The following SLCO3A1 variants were observed in gnomAD, a reference collection of about 807,000 sequenced individuals.
SLCO3A1 encodes PGE1 transporter.
A neutral mutation model predicts 63.1 loss-of-function variants in SLCO3A1; 27 were observed. The ratio of observed to expected loss-of-function variants is 0.43; its 90% CI spans 0.32 to 0.59. The LOEUF (loss-of-function observed/expected upper bound fraction) is 0.59, where lower values mean the gene tolerates loss of function less well. SLCO3A1 is among the 20% of genes least tolerant of loss of function. The probability of loss-of-function intolerance (pLI) is 0.09; values close to 1 mark genes in which losing one functional copy is unlikely to be tolerated. For missense variants in SLCO3A1, 773 were observed against 945.8 expected (o/e 0.82, Z 2.40); for synonymous variants, 473 against 409.9 (o/e 1.15, Z -1.86).
rs542438153 is a variant in SLCO3A1 at position 92,152,997 on chromosome 15, G to A, written c.1753+1983G>A. On this transcript the variant is annotated intron_variant, in intron 9 of 9. Coordinates refer to ENST00000318445, the MANE Select transcript of SLCO3A1 (RefSeq NM_013272.4). ...ACAATTTGCAAGGTATTTCTGAAAAGTTAATGAAAATTGTAGGATAGTTGA... is the reference window on the plus strand; with the variant it reads ...ACAATTTGCAAGGTATTTCTGAAAAATTAATGAAAATTGTAGGATAGTTGA... 8.5e-5 allele frequency among the ~76,000 whole-genome samples: 13 copies of A among 152,298 alleles called. No homozygotes were observed. In the Middle Eastern group the frequency reaches 0.014, roughly 159 times the overall value.
chr15:92,150,221 T>G (rs963092344), intron 8 of SLCO3A1, among the ~76,000 whole-genome samples: 3 of 152,152 alleles, frequency 2.0e-5, no homozygotes, highest in African/African-American at 7.2e-5. Context: ...CATCTGGTCT[T>G]TTCATGTTTT....
chr15:91,907,675 A>G (rs148342590), intron 1 of SLCO3A1, among the ~76,000 whole-genome samples: 162 of 151,928 alleles, frequency 1.1e-3, no homozygotes, highest in African/African-American at 3.7e-3. Context: ...ATGTGCCACC[A>G]TGCCCAGCTA....
intron 9 of SLCO3A1, among the ~76,000 whole-genome samples, chr15:92,161,087 G>C (rs1317857337): frequency 2.0e-5 from 3 of 152,192 alleles, no homozygotes; most frequent in African/African-American, 4.8e-5. Flanking sequence ...TCCAGACAGA[G>C]GTATAGAGGC....
intron 2 of SLCO3A1, among the ~76,000 whole-genome samples, chr15:92,034,875 C>T (rs1021091163): frequency 6.6e-6 from 1 of 151,950 alleles, no homozygotes; most frequent in East Asian, 1.9e-4. Flanking sequence ...GTACTGATAG[C>T]TCTAACTGTC....
intron 10 of SLCO3A1, chr15:92,170,988 G>A (rs1245364662): frequency 6.6e-6 from 1 of 152,150 alleles, no homozygotes; most frequent in Non-Finnish European, 1.5e-5. Flanking sequence ...AAGGATGCTC[G>A]AACTTGCCCA....
In SLCO3A1 at chr15:92,165,693, A is replaced by C. The variant is rs1463796579; in HGVS notation, c.*2558A>C. 1 of 985,150 alleles carries C rather than the reference A, an allele frequency of 1.0e-6. No individual in the cohort carries two copies. The highest frequency in any genetic ancestry group is 1.7e-5 in the African/African-American group (1 of 57,230). The allele number at this position is 985,150 out of a possible 1,614,324, so 61.0% of individuals were successfully genotyped here. On this transcript the variant is annotated 3_prime_UTR_variant, in exon 10 of 10. Coordinates refer to ENST00000318445, the MANE Select transcript of SLCO3A1 (RefSeq NM_013272.4). ...CTGAATTCTGTTGTGTCGTCTTTTA[A>C]AATTTTAATTATTCTCATATAGTAC...
chr15:91,906,840 G>T (rs1399411972), intron 1 of SLCO3A1, among the ~76,000 whole-genome samples: 1 of 152,178 alleles, frequency 6.6e-6, no homozygotes, highest in Non-Finnish European at 1.5e-5. Context: ...AGGAGGGATG[G>T]AGAGTCTTTA....
At chr15:92,136,966 GTCTT>G (rs1274382803) in intron 7 of SLCO3A1, among the ~76,000 whole-genome samples, 9 of 99,788 alleles carry the variant, frequency 9.0e-5, no homozygotes, top group African/African-American at 2.9e-4. Context: ...CAAGTAGTCT[GTCTT>G]TTTTTTTTTT....
At chr15:92,136,361 C>T (rs997215442) in intron 7 of SLCO3A1, among the ~76,000 whole-genome samples, 14 of 152,284 alleles carry the variant, frequency 9.2e-5, no homozygotes, top group African/African-American at 2.9e-4. Context: ...CAGAAAACAA[C>T]TTTATTTGCC....
In SLCO3A1 at chr15:92,055,192, C is replaced by G. The variant is rs182871818; in HGVS notation, c.647-39689C>G. Among the ~76,000 whole-genome samples, 4 of 152,276 alleles carry G rather than the reference C, an allele frequency of 2.6e-5. 1 individual carries two copies. In the East Asian group the frequency reaches 7.7e-4, roughly 29 times the overall value. ...CATTGTGGTTTTGATTTGCATTTCTCTAATCAGTGATGTTGAGCTTTTTTT... is the reference window on the plus strand; with the variant it reads ...CATTGTGGTTTTGATTTGCATTTCTGTAATCAGTGATGTTGAGCTTTTTTT... On this transcript the variant is annotated intron_variant, in intron 2 of 9. Transcript: ENST00000318445.
At chr15:91,963,680 C>G (rs952316474) in intron 2 of SLCO3A1, among the ~76,000 whole-genome samples, 7 of 152,082 alleles carry the variant, frequency 4.6e-5, no homozygotes, top group Non-Finnish European at 1.0e-4. Flanking sequence ...GGAGTTGTTC[C>G]TTCCGAGGTT....
intron 2 of SLCO3A1, among the ~76,000 whole-genome samples, chr15:92,039,808 A>G (rs1322945292): frequency 1.3e-5 from 2 of 152,218 alleles, no homozygotes; most frequent in Non-Finnish European, 2.9e-5. Context: ...AAGACATGGA[A>G]CCAACCCAAA....
chr15:92,052,772 A>G (rs2046972759), intron 2 of SLCO3A1, among the ~76,000 whole-genome samples: 1 of 152,188 alleles, frequency 6.6e-6, no homozygotes. Context: ...ACAAATGTAA[A>G]ATTTATACAT....
rs755280875 is a variant in SLCO3A1 at position 91,916,295 on chromosome 15, C to T, written c.483C>T (p.Pro161=). 1 of 1,559,696 alleles carries T rather than the reference C, an allele frequency of 6.4e-7. No homozygotes were observed. Among genetic ancestry groups the T allele is most frequent in the African/African-American group, 1.4e-5 (1 of 73,434 alleles). ...ACGGCTCGGGCGGCGACGAGGGGCC[C>T]GACCCCGACCTCATCTGCCGCAACC... ...AANGSGGDEG[P]DPDLICRNRT... The change falls in exon 2 of 10, where the codon CCC becomes CCT. Residue 161 remains proline, a synonymous_variant. Transcript: ENST00000318445. The surrounding 1 kb of genome is among the most constrained non-coding windows in gnomAD (Gnocchi z 6.2).
chr15:91,944,717 ATC>A (rs1370032579), intron 2 of SLCO3A1, among the ~76,000 whole-genome samples: 1 of 151,886 alleles, frequency 6.6e-6, no homozygotes, highest in Non-Finnish European at 1.5e-5. Flanking sequence ...AGTTCTGAAC[ATC>A]TGAGTCTTTC....
At chr15:92,121,803 G>A (rs1329350819) in intron 5 of SLCO3A1, among the ~76,000 whole-genome samples, 1 of 152,246 alleles carries the variant, frequency 6.6e-6, no homozygotes, top group Non-Finnish European at 1.5e-5. Context: ...TCAAGGGTGA[G>A]ATGATTCCAA....
At chr15:91,925,475 GT>G (rs76218578) in intron 2 of SLCO3A1, among the ~76,000 whole-genome samples, 11,279 of 127,280 alleles carry the variant, frequency 0.089, 507 homozygotes, top group Non-Finnish European at 0.12. Context: ...CCAGTACCTT[GT>G]TTTTTTTTTT....
chr15:91,884,676 C>G (rs2151349581), intron 1 of SLCO3A1, among the ~76,000 whole-genome samples: 1 of 152,168 alleles, frequency 6.6e-6, no homozygotes, highest in South Asian at 2.1e-4. Context: ...TTAAATGAGG[C>G]TTAAGTGATT....
chr15:92,170,811 A>G (rs1351712124), downstream of SLCO3A1: 1 of 152,264 alleles, frequency 6.6e-6, no homozygotes, highest in Non-Finnish European at 1.5e-5. Flanking sequence ...CCTTAGCCAC[A>G]TCAGCAGGAA....
Sources: gnomAD v4.1 joint callset for allele counts (sites outside exome capture counted in the v4.1 genomes callset) on GRCh38, gnomAD v4.1.1 for gene constraint, Gnocchi (gnomAD v3.1) non-coding constraint, MANE v1.5 for transcripts, NCBI Gene and HGNC (gene_info 2026-07-23, HGNC 2026-07-21) for gene names.